Variants in MARK3 observed in about 807,000 individuals in gnomAD.
The protein encoded by MARK3 is microtubule affinity regulating kinase 3.
Under a neutral mutation model 90.1 loss-of-function variants are expected in MARK3, and 46 were observed. That is an observed-to-expected ratio of 0.51 (90% CI 0.40 to 0.65). The LOEUF is 0.65. Among genes scored for constraint, MARK3 ranks in the 30% least tolerant of loss-of-function variants. MARK3 has a pLI of 0.00. For missense variants in MARK3, 818 were observed against 947.2 expected, an observed-to-expected ratio of 0.86 and a Z score of 1.79; for synonymous variants, 321 against 332.6, an observed-to-expected ratio of 0.97 and a Z score of 0.38.
rs866468469 is a variant in MARK3, at chr14:103,491,826, A to G, written c.1636A>G (p.Ser546Gly). The change falls in exon 15 of 18, where the codon AGT becomes GGT. Residue 546 changes from serine (S) to glycine (G), a missense_variant. By Grantham distance (56) the Ser-to-Gly change is moderately conservative (BLOSUM62 0). This residue lies in a region of MARK3 where 560 missense variants were observed against 613.5 expected (regional missense o/e 0.91). Transcript: ENST00000429436. ...AGTTGCTTCAACACACAGTATCAGT[A>G]GTGCAGCCACCCCAGATCGAATCCG... ...TPVASTHSIS[S>G]AATPDRIRFP... is the part of the protein sequence containing the mutation. The G allele has an allele frequency of 1.2e-5, 19 of 1,614,076 alleles. No individual in the cohort carries two copies. The African/African-American group carries it at 2.3e-4, about 19-fold the overall frequency.
At chr14:103,445,994 G>A (rs2092985309) in intron 3 of MARK3, among the ~76,000 whole-genome samples, 1 of 152,200 alleles carries the variant, frequency 6.6e-6, no homozygotes, top group Non-Finnish European at 1.5e-5. Context: ...CATTTCAGTT[G>A]TGTGCCAGCC....
At chr14:103,444,733 C>T (rs1055324331) in intron 3 of MARK3, among the ~76,000 whole-genome samples, 2 of 151,790 alleles carry the variant, frequency 1.3e-5, no homozygotes, top group Admixed American at 6.6e-5. Flanking sequence ...GCCAAGATGG[C>T]GCCACTATAC....
At chr14:103,492,981 C>T (rs1225246179) in intron 15 of MARK3, among the ~76,000 whole-genome samples, 1 of 152,116 alleles carries the variant, frequency 6.6e-6, no homozygotes, top group Non-Finnish European at 1.5e-5. Context: ...TGCAGGTTTG[C>T]CTAGGACGGA....
At chr14:103,426,269 CTTTTTT>C (rs61014395) in intron 2 of MARK3, among the ~76,000 whole-genome samples, 9,681 of 143,874 alleles carry the variant, frequency 0.067, 367 homozygotes, top group African/African-American at 0.1. Context: ...TTGTTAAATA[CTTTTTT>C]TTTTTTTTTT....
intron 16 of MARK3, chr14:103,499,651 T>C (rs1403605871): frequency 6.5e-6 from 1 of 152,788 alleles, no homozygotes; most frequent in Non-Finnish European, 1.5e-5. Flanking sequence ...CATTCTATTA[T>C]TATTTTTTAA....
At chr14:103,464,390 G>A (rs761358890) in intron 7 of MARK3, among the ~76,000 whole-genome samples, 4 of 142,682 alleles carry the variant, frequency 2.8e-5, no homozygotes, top group Non-Finnish European at 4.5e-5. Context: ...CCTCCACCTC[G>A]CAGGTTCAAG....
At chr14:103,419,845 A>G (rs916199576) in intron 2 of MARK3, among the ~76,000 whole-genome samples, 13 of 152,142 alleles carry the variant, frequency 8.5e-5, no homozygotes, top group South Asian at 2.1e-4. Flanking sequence ...GCAGGGGTCT[A>G]CCAGGTTGTC....
At chr14:103,467,990 G>C (rs2093547702) in intron 11 of MARK3, 43 bp from the exon 12 acceptor site, 1 of 1,596,978 alleles carries the variant, frequency 6.3e-7, no homozygotes, top group Non-Finnish European at 8.5e-7. Flanking sequence ...AAGCCATTTG[G>C]GTTCGTGTTG....
chr14:103,386,263 C>G (rs777136076), intron 1 of MARK3, 183 bp downstream of exon 1: 9 of 720,108 alleles, frequency 1.2e-5, no homozygotes, highest in Non-Finnish European at 2.0e-5. Flanking sequence ...TCCCGCTGTT[C>G]GCGGGCGGGT....
At chr14:103,414,803 A>G (rs2091864988) in intron 2 of MARK3, among the ~76,000 whole-genome samples, 1 of 152,172 alleles carries the variant, frequency 6.6e-6, no homozygotes, top group African/African-American at 2.4e-5. Flanking sequence ...AATCTATATC[A>G]TGCATTTAAG....
At chr14:103,436,466 G>T (rs2092720167) in intron 3 of MARK3, among the ~76,000 whole-genome samples, 1 of 148,594 alleles carries the variant, frequency 6.7e-6, no homozygotes. Flanking sequence ...GACTTTTCAG[G>T]CCATTAACAA....
chr14:103,471,304 C>T (rs994047059), intron 12 of MARK3, among the ~76,000 whole-genome samples: 7 of 152,122 alleles, frequency 4.6e-5, no homozygotes, highest in African/African-American at 1.7e-4. Flanking sequence ...CTTTTTCCCC[C>T]CAGCTCAATT....
chr14:103,438,825 T>C (rs2092779372), intron 3 of MARK3, among the ~76,000 whole-genome samples: 1 of 152,082 alleles, frequency 6.6e-6, no homozygotes, highest in Non-Finnish European at 1.5e-5. Context: ...AAACCCTGTC[T>C]CTACATACAG....
intron 12 of MARK3, among the ~76,000 whole-genome samples, chr14:103,471,968 T>C (rs953858188): frequency 2.0e-5 from 3 of 152,206 alleles, no homozygotes; most frequent in Non-Finnish European, 2.9e-5. Flanking sequence ...CCCAGCACTT[T>C]GGGAGTCCGA....
chr14:103,495,170 A>G (rs754113964), intron 15 of MARK3, among the ~76,000 whole-genome samples: 39 of 152,308 alleles, frequency 2.6e-4, no homozygotes, highest in Middle Eastern at 3.4e-3. Context: ...ATTAAGGCAC[A>G]TATTTTAAAA....
chr14:103,441,937 C>T (rs1040464972), intron 3 of MARK3, among the ~76,000 whole-genome samples: 2 of 151,954 alleles, frequency 1.3e-5, no homozygotes, highest in African/African-American at 4.8e-5. Context: ...ATAACCAGAA[C>T]CCCAAAATAC....
At chr14:103,497,645 C>G (rs556743017) in intron 15 of MARK3, among the ~76,000 whole-genome samples, 1 of 152,226 alleles carries the variant, frequency 6.6e-6, no homozygotes, top group African/African-American at 2.4e-5. Context: ...ACTGAAAAGT[C>G]TACTTGTTTA....
intron 2 of MARK3, among the ~76,000 whole-genome samples, chr14:103,421,789 T>C (rs1462770067): frequency 6.6e-6 from 1 of 152,200 alleles, no homozygotes; most frequent in Non-Finnish European, 1.5e-5. Flanking sequence ...TGTCATTTGG[T>C]CTTTGTTCTT....
chr14:103,412,716 C>T (rs2091724400), intron 2 of MARK3: 4 of 586,266 alleles, frequency 6.8e-6, no homozygotes, highest in South Asian at 4.5e-5. Flanking sequence ...TGCAGGACTT[C>T]CTGCACCGCC....
Sources: gnomAD v4.1 joint callset for allele counts (sites outside exome capture counted in the v4.1 genomes callset) on GRCh38, gnomAD v4.1.1 for gene constraint, gnomAD v4.1.1 regional missense constraint, MANE v1.5 for transcripts, NCBI Gene and HGNC (gene_info 2026-07-23, HGNC 2026-07-21) for gene names.